The following BRAT1 variants were observed in gnomAD, a reference collection of about 807,000 sequenced individuals.
The protein encoded by BRAT1 is BRCA1 associated ATM activator 1, also known as integrator complex assembly factor BRAT1.
A neutral mutation model predicts 70.6 loss-of-function variants in BRAT1; 74 were observed. That is an observed-to-expected ratio of 1.05 (90% confidence interval 0.87 to 1.27). The LOEUF is 1.27. BRAT1 is among the 50% of genes most tolerant of loss of function. BRAT1 has a pLI of 0.00. For missense variants in BRAT1, 1,203 were observed against 1,098.2 expected, an observed-to-expected ratio of 1.10 and a Z score of -1.35; for synonymous variants, 615 against 517.1, an observed-to-expected ratio of 1.19 and a Z score of -2.57.
chr7:2,554,231 T>C, intron 2 of BRAT1, 74 bp downstream of exon 2: 1 of 1,570,566 alleles, frequency 6.4e-7, no homozygotes, highest in South Asian at 1.2e-5. Context: ...AGTCCCCATC[T>C]GGCCCCTGCT....
rs1305499819 is a variant in BRAT1 at position 2,539,613 on chromosome 7, AC to A, written c.1527del (p.Cys510AlafsTer7). 1.3e-6 allele frequency: 2 copies of A among 1,594,060 alleles called. No homozygotes were observed. Among genetic ancestry groups the A allele is most frequent in the Non-Finnish European group, 1.7e-6 (2 of 1,169,778 alleles). ...TCCCTCACCTCCCAGCAGGGGTGGC[AC>A]AGGCGTTTCTGCAGCACAGGGAACA... ...RELFPVLQKR[L>X]CHPCWEVRDS... On this transcript the variant is annotated frameshift_variant, in exon 12 of 14. Coordinates refer to ENST00000340611, the MANE Select transcript of BRAT1 (RefSeq NM_152743.4). LOFTEE classifies it high-confidence loss of function.
chr7:2,538,932 TCA>T (rs1036083493), intron 13 of BRAT1, 168 bp from the exon 14 acceptor site: 247 of 1,453,658 alleles, frequency 1.7e-4, no homozygotes, highest in African/African-American at 5.8e-4. Flanking sequence ...CCTCCAATCC[TCA>T]GTTTACCCAT....
rs61729932 is a variant in BRAT1 at position 2,538,182 on chromosome 7, G to C, written c.2353C>G (p.Arg785Gly). 1 of 1,609,240 alleles carries C rather than the reference G, an allele frequency of 6.2e-7. No individual in the cohort carries two copies. Residue 785 changes from arginine to glycine, a missense_variant, in exon 14 of 14, where the codon CGG becomes GGG. Transcript: ENST00000340611. ...TCGCTGCTCTCGGCCAGCGTGCTCC[G>C]CAGGCCCTCCAGGTCTAGGGACCTG... ...MLRSLDLEGLRSTLAESSDHV... is the reference protein window; with the variant it reads ...MLRSLDLEGLGSTLAESSDHV...
intron 3 of BRAT1, 124 bp from the exon 4 acceptor site, chr7:2,545,180 A>G (rs1779510542): frequency 3.7e-6 from 4 of 1,089,364 alleles, no homozygotes; most frequent in Non-Finnish European, 5.0e-6. Flanking sequence ...CCTGACCAAC[A>G]TGGTGAAACC....
chr7:2,550,476 AAAAAC>A (rs1317087279), intron 2 of BRAT1, among the ~76,000 whole-genome samples: 1 of 142,988 alleles, frequency 7.0e-6, no homozygotes, highest in Non-Finnish European at 1.5e-5. Context: ...TCAAAAAAAA[AAAAAC>A]AAAAAAAAAA....
rs1198193898 is a variant in BRAT1 at position 2,552,081 on chromosome 7, A to AATACATATATATAT, written c.127+2223_127+2224insATATATATATGTAT. Among the ~76,000 whole-genome samples, 38 of 23,382 alleles carry AATACATATATATAT rather than the reference A, an allele frequency of 1.6e-3. 4 individuals carry two copies. The highest frequency in any genetic ancestry group is 7.9e-3 in the African/African-American group (37 of 4,674). 15.3% of individuals were successfully genotyped at this position (23,382 alleles called of 152,430 possible). ...ACTTTTAGAGAAATGCATAGTCTTAAATATATATATATATATATATATATA... is the reference window on the plus strand; with the variant it reads ...ACTTTTAGAGAAATGCATAGTCTTAAATACATATATATATATATATATATATATATATATATATA... On this transcript the variant is annotated intron_variant, in intron 2 of 13. Transcript: ENST00000340611.
At chr7:2,554,196 T>G (rs1780241322) in intron 2 of BRAT1, 109 bp downstream of exon 2, 1 of 1,427,142 alleles carries the variant, frequency 7.0e-7, no homozygotes. Context: ...GATTGGCAGT[T>G]TCTGCCCTTC....
Position 2,538,523 on chromosome 7 carries a change from G to C in BRAT1, c.2012C>G (p.Thr671Ser). The change falls in exon 14 of 14, where the codon ACC becomes AGC. Residue 671 changes from threonine to serine, a missense_variant. Coordinates refer to ENST00000340611, the MANE Select transcript of BRAT1 (RefSeq NM_152743.4). The part of the protein sequence containing the change: ...FLGQTLGPPR[T>S]HCPYAVALPE... ...TAGGGCCACGGCATAGGGGCAGTGG[G>C]TACGCGGCGGCCCCAAAGTCTGGCC... 1.9e-6 allele frequency: 3 copies of C among 1,607,006 alleles called. No homozygotes were observed. Among genetic ancestry groups the C allele is most frequent in the Non-Finnish European group, 8.5e-7 (1 of 1,179,036 alleles).
chr7:2,538,273 C>G lies in BRAT1; in HGVS notation c.2262G>C (p.Arg754Ser). 1.9e-6 allele frequency: 3 copies of G among 1,611,656 alleles called. No homozygotes were observed. Among genetic ancestry groups the G allele is most frequent in the Non-Finnish European group, 2.5e-6 (3 of 1,179,330 alleles). Residue 754 changes from arginine (R) to serine (S), a missense_variant, in exon 14 of 14, where the codon AGG becomes AGC. Transcript: ENST00000340611. ...GCTGGGCCTGCTCACCCGCCCGCCA[C>G]CTCGGCAGGGTGGCCTCTGCGGAGG... ...NTASAEATLP[R>S]WRAGEQAQPP...
rs1562562846 is a variant in BRAT1 at position 2,537,948 on chromosome 7, T to C, written c.*121A>G. On this transcript the variant is annotated 3_prime_UTR_variant, in exon 14 of 14. Transcript: ENST00000340611. ...TTTCTTGACCTTGCTTCTCTCCTGGTCCTGGCTTCCCCAGAGGATCCACCG... is the reference window on the plus strand; with the variant it reads ...TTTCTTGACCTTGCTTCTCTCCTGGCCCTGGCTTCCCCAGAGGATCCACCG... 3 of 1,378,746 alleles carry C rather than the reference T, an allele frequency of 2.2e-6. No individual in the cohort carries two copies. Among genetic ancestry groups the C allele is most frequent in the Non-Finnish European group, 2.8e-6 (3 of 1,065,696 alleles). 85.4% of individuals were successfully genotyped at this position (1,378,746 alleles called of 1,614,324 possible).
Position 2,540,223 on chromosome 7 carries a change from C to T in BRAT1, c.1396-335G>A, listed in dbSNP as rs1779042511. 1.9e-5 allele frequency: 5 copies of T among 258,868 alleles called. No homozygotes were observed. In the East Asian group the frequency reaches 3.8e-4, roughly 19 times the overall value. The allele number at this position is 258,868 out of a possible 1,614,324, so 16.0% of individuals were successfully genotyped here. ...AATGCTCTACCCCTGAGCTATACTC[C>T]TGGGGCTAATTTTTCTATTTTTTTG... is the stretch of plus-strand genomic sequence containing the variant. On this transcript the variant is annotated intron_variant, in intron 10 of 13. Coordinates refer to ENST00000340611, the MANE Select transcript of BRAT1 (RefSeq NM_152743.4).
intron 1 of BRAT1, among the ~76,000 whole-genome samples, chr7:2,555,007 C>T (rs538913994): frequency 6.9e-6 from 1 of 145,552 alleles, no homozygotes; most frequent in African/African-American, 2.6e-5. Context: ...TGCTGTTCTG[C>T]AGCCAGTAGG....
intron 13 of BRAT1, 118 bp from the exon 14 acceptor site, chr7:2,538,882 C>G: frequency 6.7e-7 from 1 of 1,499,704 alleles, no homozygotes; most frequent in South Asian, 1.3e-5. Flanking sequence ...GGCCACAGCC[C>G]GCTCTGACAC....
At chr7:2,544,043 T>A (rs1394266385) in intron 4 of BRAT1, 81 bp from the exon 5 acceptor site, 11 of 939,926 alleles carry the variant, frequency 1.2e-5, no homozygotes, top group Non-Finnish European at 1.5e-5. Flanking sequence ...TCAGGGAAGA[T>A]ACAAATAGCA....
chr7:2,544,145 C>T (rs181229004), intron 4 of BRAT1, 183 bp from the exon 5 acceptor site: 9 of 479,792 alleles, frequency 1.9e-5, no homozygotes, highest in Admixed American at 1.2e-4. Flanking sequence ...ACCTCCTCCC[C>T]CCGAGCGTTA....
At chr7:2,540,858 C>A (rs1779091264) in intron 10 of BRAT1, 121 bp downstream of exon 10, 3 of 1,048,562 alleles carry the variant, frequency 2.9e-6, no homozygotes, top group African/African-American at 1.7e-5. Flanking sequence ...TGAGCAGCAG[C>A]TCTGTGGCCC....
intron 2 of BRAT1, among the ~76,000 whole-genome samples, chr7:2,548,139 A>T (rs1779752542): frequency 6.6e-6 from 1 of 152,078 alleles, no homozygotes; most frequent in South Asian, 2.1e-4. Flanking sequence ...CACCTTCCAA[A>T]TGGGTACTTT....
In BRAT1 at chr7:2,542,360, T is replaced by C. The variant is rs3735104; in HGVS notation, c.924-149A>G. The C allele has an allele frequency of 0.38, 260,267 of 684,112 alleles. 53,105 individuals carry two copies. The highest frequency in any genetic ancestry group is 0.67 in the African/African-American group (36,949 of 55,478). 42.4% of individuals were successfully genotyped at this position (684,112 alleles called of 1,614,324 possible). ...TCTCTGCAGGCCACTGGCCAGGGGA[T>C]GCCATGGGACAGAGTGGCGGGGAGG... is the stretch of plus-strand genomic sequence containing the variant. On this transcript the variant is annotated intron_variant, in intron 6 of 13. Coordinates refer to ENST00000340611, the MANE Select transcript of BRAT1 (RefSeq NM_152743.4).
intron 13 of BRAT1, 165 bp downstream of exon 13, chr7:2,539,014 C>T (rs111973050): frequency 7.0e-7 from 1 of 1,435,818 alleles, no homozygotes; most frequent in African/African-American, 1.4e-5. Context: ...CGCACAGGTC[C>T]CACACCCAGC....
Sources: gnomAD v4.1 joint callset for allele counts (sites outside exome capture counted in the v4.1 genomes callset) on GRCh38, gnomAD v4.1.1 for gene constraint, MANE v1.5 for transcripts, NCBI Gene and HGNC (gene_info 2026-07-23, HGNC 2026-07-21) for gene names.